MED13L: variants seen among roughly 807,000 people sequenced by gnomAD.
MED13L encodes mediator complex subunit 13L.
A neutral mutation model predicts 220.9 loss-of-function variants in MED13L; 7 were observed. That is an observed-to-expected ratio of 0.03 (90% confidence interval 0.02 to 0.06). The LOEUF (loss-of-function observed/expected upper bound fraction) is 0.06, where lower values mean the gene tolerates loss of function less well. Ranked by LOEUF, MED13L falls within the 10% of genes least tolerant of loss-of-function variation. The pLI is 1.00. For synonymous variants in MED13L, 1,011 were observed against 1,015.2 expected (o/e 1.00, Z 0.08); for missense variants, 1,965 against 2,760.5 (o/e 0.71, Z 6.46).
At chr12:116,000,927 T>C (rs1253544632) in intron 14 of MED13L, among the ~76,000 whole-genome samples, 1 of 151,916 alleles carries the variant, frequency 6.6e-6, no homozygotes, top group Non-Finnish European at 1.5e-5. Context: ...AAACATACAC[T>C]GTATTCCCAA....
Position 116,008,683 on chromosome 12 carries a change from G to T in MED13L, c.1730C>A (p.Pro577His). Reference protein sequence around the residue: ...ETESLDPPSVPVNPALYGNGL... With the variant: ...ETESLDPPSVHVNPALYGNGL... Reference sequence around the variant, plus strand: ...ATTTCCATAAAGGGCTGGATTCACAGGGACCGATGGTGGGTCCAAACTCTC... The same window carrying T: ...ATTTCCATAAAGGGCTGGATTCACATGGACCGATGGTGGGTCCAAACTCTC... The change falls in exon 10 of 31, where the codon CCT becomes CAT. Residue 577 changes from proline (P) to histidine (H), a missense_variant. Physicochemically the swap from Pro to His is moderately conservative, Grantham distance 77. This residue lies in a region of MED13L where 818 missense variants were observed against 1,041.2 expected (regional missense o/e 0.79). Coordinates refer to ENST00000281928, the MANE Select transcript of MED13L (RefSeq NM_015335.5). The T allele has an allele frequency of 1.2e-6, 2 of 1,614,074 alleles. No individual in the cohort carries two copies. The highest frequency in any genetic ancestry group is 1.7e-6 in the Non-Finnish European group (2 of 1,180,002).
intron 4 of MED13L, among the ~76,000 whole-genome samples, chr12:116,055,895 CAA>C (rs759636960): frequency 7.7e-6 from 1 of 130,156 alleles, no homozygotes. Context: ...TCCCCGTCTC[CAA>C]AAAAAAAAAC....
intron 2 of MED13L, among the ~76,000 whole-genome samples, chr12:116,129,535 G>T (rs1382936257): frequency 6.6e-6 from 1 of 152,132 alleles, no homozygotes; most frequent in African/African-American, 2.4e-5. Context: ...TTTGGGAGTG[G>T]ATTTTTGCCT....
At chr12:116,177,794 A>ATTT (rs1283604392) in intron 2 of MED13L, among the ~76,000 whole-genome samples, 1 of 152,194 alleles carries the variant, frequency 6.6e-6, no homozygotes, top group African/African-American at 2.4e-5. Flanking sequence ...GTGTAAGGAA[A>ATTT]AGTATTTAGT....
At chr12:116,072,893 A>G (rs1036976993) in intron 4 of MED13L, among the ~76,000 whole-genome samples, 5 of 152,196 alleles carry the variant, frequency 3.3e-5, no homozygotes, top group African/African-American at 1.2e-4. Context: ...CCAGTAACAA[A>G]ACAAATTAGG....
chr12:116,229,121 G>A (rs571897837), intron 2 of MED13L, among the ~76,000 whole-genome samples: 47 of 152,146 alleles, frequency 3.1e-4, no homozygotes, highest in Non-Finnish European at 3.4e-4. Flanking sequence ...GAAAGTACAA[G>A]CTTTTGAAAT....
intron 23 of MED13L, among the ~76,000 whole-genome samples, chr12:115,978,953 A>C (rs746200291): frequency 3.3e-5 from 5 of 152,200 alleles, no homozygotes; most frequent in Non-Finnish European, 5.9e-5. Context: ...GAGAATGAGA[A>C]TTGCATGGAG....
At chr12:115,965,981 G>T in intron 29 of MED13L, 101 bp downstream of exon 29, 1 of 1,401,284 alleles carries the variant, frequency 7.1e-7, no homozygotes, top group South Asian at 1.2e-5. Context: ...AAAAGGAACA[G>T]AATAAGATTA....
rs534600991 is a variant in MED13L, at chr12:116,121,636, T to C, written c.311-10124A>G. ...CACCCAGCCTTACACAGTTTAAAAG[T>C]AGAATTACTTTCAAAGAATACATAT... On this transcript the variant is annotated intron_variant, in intron 2 of 30. Transcript: ENST00000281928. 7.9e-5 allele frequency among the ~76,000 whole-genome samples: 12 copies of C among 152,302 alleles called. No individual in the cohort carries two copies. In the South Asian group the frequency reaches 2.5e-3, roughly 32 times the overall value.
intron 2 of MED13L, among the ~76,000 whole-genome samples, chr12:116,182,846 A>G (rs186471388): frequency 1.1e-3 from 161 of 152,314 alleles, no homozygotes; most frequent in African/African-American, 3.6e-3. Flanking sequence ...TTCCTGCAGG[A>G]CACTTCCAGA....
At position 116,005,874 on chromosome 12, in the gene MED13L, G is replaced by C; in HGVS notation, c.2464C>G (p.Leu822Val). ...TGTAGCTACGGCAAACTCACCCCAA[G>C]TTCGTCGTCATCAGAATTATCAAAG... Reference protein sequence around the residue: ...NIFDNSDDDELGAVSPALRSS... With the variant: ...NIFDNSDDDEVGAVSPALRSS... Residue 822 changes from leucine (L) to valine (V), a missense_variant, in exon 13 of 31, where the codon CTT (leucine) becomes GTT (valine). Transcript: ENST00000281928. 6.2e-7 allele frequency: 1 copy of C among 1,613,840 alleles called. No homozygotes were observed. Among genetic ancestry groups the C allele is most frequent in the South Asian group, 1.1e-5 (1 of 91,078 alleles).
At chr12:116,158,649 G>T (rs368250007) in intron 2 of MED13L, among the ~76,000 whole-genome samples, 1 of 152,092 alleles carries the variant, frequency 6.6e-6, no homozygotes, top group African/African-American at 2.4e-5. Context: ...CCAACAAAGT[G>T]ACAGACAAAA....
intron 2 of MED13L, among the ~76,000 whole-genome samples, chr12:116,126,417 A>G (rs565688543): frequency 1.3e-5 from 2 of 152,136 alleles, no homozygotes; most frequent in African/African-American, 4.8e-5. Flanking sequence ...CACAAGGTGC[A>G]GTGGTTTCTT....
intron 4 of MED13L, among the ~76,000 whole-genome samples, chr12:116,056,007 G>A (rs1416645159): frequency 1.3e-5 from 2 of 152,010 alleles, no homozygotes; most frequent in East Asian, 3.9e-4. Context: ...TAAGCTCCAC[G>A]AGCAGACAAC....
At chr12:116,140,056 C>G (rs1876925410) in intron 2 of MED13L, among the ~76,000 whole-genome samples, 1 of 149,482 alleles carries the variant, frequency 6.7e-6, no homozygotes, top group Admixed American at 6.7e-5. Context: ...ACCTTTAAAA[C>G]TATTTTAAGA....
intron 2 of MED13L, among the ~76,000 whole-genome samples, chr12:116,120,467 T>TCACACACACACA (rs1565886949): frequency 2.3e-4 from 32 of 136,916 alleles, no homozygotes; most frequent in Non-Finnish European, 4.2e-4. Flanking sequence ...TCTCTCTCTC[T>TCACACACACACA]CTCTCTCTCT....
intron 2 of MED13L, among the ~76,000 whole-genome samples, chr12:116,183,250 T>G (rs1455652961): frequency 3.9e-5 from 6 of 152,198 alleles, no homozygotes; most frequent in Non-Finnish European, 7.3e-5. Context: ...ATTGTATGTG[T>G]GCCAAAACTT....
intron 1 of MED13L, among the ~76,000 whole-genome samples, chr12:116,245,789 A>C (rs975518773): frequency 6.6e-6 from 1 of 152,196 alleles, no homozygotes; most frequent in African/African-American, 2.4e-5. Context: ...AATACGAGGA[A>C]GCTGAAATCC....
At chr12:116,076,523 C>T (rs1870816149) in intron 4 of MED13L, among the ~76,000 whole-genome samples, 2 of 152,086 alleles carry the variant, frequency 1.3e-5, no homozygotes, top group African/African-American at 2.4e-5. Context: ...AGTGACAGAG[C>T]AAGGCTTTGT....
Sources: gnomAD v4.1 joint callset for allele counts (sites outside exome capture counted in the v4.1 genomes callset) on GRCh38, gnomAD v4.1.1 for gene constraint, gnomAD v4.1.1 regional missense constraint, MANE v1.5 for transcripts, NCBI Gene and HGNC (gene_info 2026-07-23, HGNC 2026-07-21) for gene names.